Variants in MCC observed in about 807,000 individuals in gnomAD.
MCC encodes MCC regulator of Wnt signaling pathway.
MCC carries 90 observed loss-of-function variants against 116.2 expected under a neutral mutation model. That is an observed-to-expected ratio of 0.77 (90% CI 0.65 to 0.92). The LOEUF (loss-of-function observed/expected upper bound fraction) is 0.92. MCC is among the 40% of genes least tolerant of loss of function. The pLI, the probability that MCC is intolerant of heterozygous loss-of-function variation, is 0.00. For missense variants in MCC, 1,516 were observed against 1,312.2 expected (o/e 1.16, Z -2.40); for synonymous variants, 578 against 510.5 (o/e 1.13, Z -1.78).
intron 3 of MCC, among the ~76,000 whole-genome samples, chr5:113,274,596 A>G (rs1221281830): frequency 1.3e-5 from 2 of 152,076 alleles, no homozygotes; most frequent in South Asian, 2.1e-4. Context: ...CCTGACCTTT[A>G]GTGGTCCGAC....
intron 17 of MCC, among the ~76,000 whole-genome samples, chr5:113,043,154 T>G (rs991532331): frequency 6.6e-6 from 1 of 152,194 alleles, no homozygotes; most frequent in African/African-American, 2.4e-5. Flanking sequence ...CAAAGCTTTT[T>G]CACACTACCA....
chr5:113,099,972 G>A (rs1295631344), intron 8 of MCC, among the ~76,000 whole-genome samples: 2 of 152,158 alleles, frequency 1.3e-5, no homozygotes. Flanking sequence ...GTGTAACCCA[G>A]GAAATTACAG....
intron 3 of MCC, among the ~76,000 whole-genome samples, chr5:113,200,056 T>C (rs1762606296): frequency 6.6e-6 from 1 of 152,060 alleles, no homozygotes; most frequent in Admixed American, 6.5e-5. Context: ...TGAGCACAGG[T>C]GGAAAGAGTT....
At chr5:113,110,943 G>A (rs771031632) in intron 6 of MCC, among the ~76,000 whole-genome samples, 4 of 152,302 alleles carry the variant, frequency 2.6e-5, no homozygotes, top group Middle Eastern at 3.4e-3. Context: ...GGGGCCAGCC[G>A]CAGACCCCAG....
Position 113,293,152 on chromosome 5 carries a change from T to C in MCC, c.627+47367A>G, listed in dbSNP as rs183932916. Among the ~76,000 whole-genome samples, 10 of 152,138 alleles carry C rather than the reference T, an allele frequency of 6.6e-5. No individual in the cohort carries two copies. In the East Asian group the frequency reaches 9.7e-4, roughly 15 times the overall value. On this transcript the variant is annotated intron_variant, in intron 3 of 18. Coordinates refer to ENST00000408903, the MANE Select transcript of MCC (RefSeq NM_001085377.2). ...CTTAAGAGCACCAGGCAGGGCCCAA[T>C]AGCATTCACCAGCCCGACGGCAGAC... is the stretch of plus-strand genomic sequence containing the variant.
At chr5:113,236,785 C>G (rs1275848686) in intron 3 of MCC, among the ~76,000 whole-genome samples, 1 of 152,150 alleles carries the variant, frequency 6.6e-6, no homozygotes, top group South Asian at 2.1e-4. Flanking sequence ...TCCCTCCCTC[C>G]TCAAACTGAT....
chr5:113,066,148 T>C (rs1753587095), intron 13 of MCC, among the ~76,000 whole-genome samples: 1 of 152,224 alleles, frequency 6.6e-6, no homozygotes, highest in South Asian at 2.1e-4. Context: ...ATTTTGAATA[T>C]TTAAAAGGCA....
At chr5:113,286,541 G>C (rs766412344) in intron 3 of MCC, among the ~76,000 whole-genome samples, 2 of 152,244 alleles carry the variant, frequency 1.3e-5, no homozygotes, top group East Asian at 3.9e-4. Flanking sequence ...AGTCCTATGC[G>C]CGTTCCAGGC....
Position 113,355,642 on chromosome 5 carries a change from C to A in MCC, c.416-14912G>T, listed in dbSNP as rs1026879039. ...GTGGGGTTCTGGCGAGGGCTGTATTCCTGGCTTGTAAGCAGCTACCTCTTG... is the reference window on the plus strand; with the variant it reads ...GTGGGGTTCTGGCGAGGGCTGTATTACTGGCTTGTAAGCAGCTACCTCTTG... On this transcript the variant is annotated intron_variant, in intron 2 of 18. Coordinates refer to ENST00000408903, the MANE Select transcript of MCC (RefSeq NM_001085377.2). 2.6e-5 allele frequency among the ~76,000 whole-genome samples: 4 copies of A among 152,108 alleles called. No homozygotes were observed. In the South Asian group the frequency reaches 8.3e-4, roughly 32 times the overall value.
intron 3 of MCC, among the ~76,000 whole-genome samples, chr5:113,289,832 G>A (rs1053829406): frequency 9.9e-5 from 15 of 152,212 alleles, no homozygotes; most frequent in Non-Finnish European, 1.6e-4. Context: ...AAATTTTGGA[G>A]CAGTTTGTTG....
At chr5:113,112,528 G>C (rs921050664) in intron 6 of MCC, among the ~76,000 whole-genome samples, 2 of 152,192 alleles carry the variant, frequency 1.3e-5, no homozygotes, top group African/African-American at 4.8e-5. Context: ...TTCCGGTACA[G>C]CCTGTGGAAC....
At chr5:113,257,042 A>T (rs1028744848) in intron 3 of MCC, among the ~76,000 whole-genome samples, 2 of 152,166 alleles carry the variant, frequency 1.3e-5, no homozygotes, top group African/African-American at 4.8e-5. Flanking sequence ...ATCTCGTTGC[A>T]CCAAGTGGTT....
chr5:113,107,355 T>C (rs1756807403), intron 6 of MCC, among the ~76,000 whole-genome samples: 1 of 152,046 alleles, frequency 6.6e-6, no homozygotes, highest in South Asian at 2.1e-4. Flanking sequence ...GTAGCTTGGA[T>C]TACAGGCGTG....
At chr5:113,431,904 G>A (rs375984014) in intron 1 of MCC, among the ~76,000 whole-genome samples, 121 of 152,216 alleles carry the variant, frequency 7.9e-4, no homozygotes, top group African/African-American at 2.6e-3. Context: ...TTGGGAGGCC[G>A]AGGTAGGCAG....
rs1003756707 is a variant in MCC, at chr5:113,301,282, A to G, written c.627+39237T>C. Among the ~76,000 whole-genome samples, 12 of 152,208 alleles carry G rather than the reference A, an allele frequency of 7.9e-5. 1 individual carries two copies. Among genetic ancestry groups the G allele is most frequent in the Non-Finnish European group, 1.6e-4 (11 of 68,032 alleles). ...GGAGTTCAAGACCAGCCTGACCAAC[A>G]TGGAGAAACCCCATCTCTACTAAAA... On this transcript the variant is annotated intron_variant, in intron 3 of 18. Transcript: ENST00000408903.
intron 8 of MCC, chr5:113,101,497 T>C: frequency 1.9e-6 from 1 of 528,920 alleles, no homozygotes; most frequent in Non-Finnish European, 3.4e-6. Context: ...CCGATGTAAT[T>C]TTATCAACCA....
chr5:113,365,009 C>A (rs1335488308), intron 2 of MCC, among the ~76,000 whole-genome samples: 1 of 152,180 alleles, frequency 6.6e-6, no homozygotes, highest in East Asian at 1.9e-4. Flanking sequence ...CCTTTGAGGT[C>A]TTTTCCCTAT....
intron 2 of MCC, among the ~76,000 whole-genome samples, chr5:113,376,510 A>C (rs963605318): frequency 3.9e-5 from 6 of 152,014 alleles, no homozygotes; most frequent in Non-Finnish European, 7.4e-5. Flanking sequence ...TTACCAATTC[A>C]GTTAGAAACT....
intron 3 of MCC, among the ~76,000 whole-genome samples, chr5:113,174,597 AT>A (rs902068370): frequency 2.3e-4 from 34 of 151,008 alleles, no homozygotes; most frequent in Non-Finnish European, 3.4e-4. Context: ...GTTAAAAAAT[AT>A]TTTTTTTCTT....
Sources: allele counts gnomAD v4.1 joint callset (sites outside exome capture counted in the v4.1 genomes callset), GRCh38; gene constraint gnomAD v4.1.1; transcripts MANE v1.5; gene names NCBI Gene and HGNC (gene_info 2026-07-23, HGNC 2026-07-21).